UGT1A10: variants seen among roughly 807,000 people sequenced by gnomAD.
UGT1A10 encodes UDP glucuronosyltransferase family 1 member A10, also known as UDP-glucuronosyltransferase 1A10.
A neutral mutation model predicts 45.8 loss-of-function variants in UGT1A10; 49 were observed. The observed-to-expected ratio is 1.07, with a 90% confidence interval of 0.85 to 1.36. The LOEUF (loss-of-function observed/expected upper bound fraction) is 1.36, where lower values mean the gene tolerates loss of function less well. UGT1A10 is among the 40% of genes most tolerant of loss of function. The pLI, the probability that UGT1A10 is intolerant of heterozygous loss-of-function variation, is 0.00. For synonymous variants in UGT1A10, 284 were observed against 249.7 expected (o/e 1.14, Z -1.29); for missense variants, 745 against 668.6 (o/e 1.11, Z -1.26).
At chr2:233,720,737 G>A (rs1402303437) in intron 1 of UGT1A10, among the ~76,000 whole-genome samples, 14 of 144,628 alleles carry the variant, frequency 9.7e-5, no homozygotes, top group African/African-American at 2.3e-4. Flanking sequence ...ACTGAGCCTC[G>A]TTCTGTCGCC....
chr2:233,707,867 C>T (rs1275406716), intron 1 of UGT1A10, among the ~76,000 whole-genome samples: 2 of 152,118 alleles, frequency 1.3e-5, no homozygotes, highest in African/African-American at 4.8e-5. Flanking sequence ...TTGTACATAT[C>T]CCTGATTGCT....
chr2:233,681,999 G>C, intron 1 of UGT1A10: 1 of 1,614,168 alleles, frequency 6.2e-7, no homozygotes, highest in Non-Finnish European at 8.5e-7. Context: ...CTGACCTGTG[G>C]CTTTGCCAAG....
chr2:233,686,534 C>A (rs1418608941), intron 1 of UGT1A10, among the ~76,000 whole-genome samples: 1 of 152,098 alleles, frequency 6.6e-6, no homozygotes, highest in Non-Finnish European at 1.5e-5. Context: ...TAGAACCTAA[C>A]CTTTCCGTGG....
At chr2:233,719,353 G>A in intron 1 of UGT1A10, 3 of 1,613,930 alleles carry the variant, frequency 1.9e-6, no homozygotes, top group Non-Finnish European at 2.5e-6. Flanking sequence ...TACATTCCAT[G>A]TGACTTAGAC....
intron 1 of UGT1A10, among the ~76,000 whole-genome samples, chr2:233,694,315 T>C (rs74562873): frequency 6.6e-6 from 1 of 151,936 alleles, no homozygotes; most frequent in Non-Finnish European, 1.5e-5. Flanking sequence ...TTTTTTTTTT[T>C]CCTTTTATGT....
At chr2:233,685,552 CA>C (rs1192144986) in intron 1 of UGT1A10, among the ~76,000 whole-genome samples, 2 of 152,170 alleles carry the variant, frequency 1.3e-5, no homozygotes, top group African/African-American at 2.4e-5. Flanking sequence ...GTTTTTGATC[CA>C]AATTCAAATT....
intron 1 of UGT1A10, among the ~76,000 whole-genome samples, chr2:233,732,141 T>G (rs532123817): frequency 9.3e-4 from 141 of 151,992 alleles, no homozygotes; most frequent in African/African-American, 3.3e-3. Flanking sequence ...TGTTTGTTTG[T>G]TTTTTTTCTT....
intron 1 of UGT1A10, among the ~76,000 whole-genome samples, chr2:233,641,948 C>A (rs1449229974): frequency 1.3e-5 from 2 of 152,048 alleles, no homozygotes; most frequent in Non-Finnish European, 2.9e-5. Context: ...TTATCCTTGA[C>A]CTTTGGGAGT....
chr2:233,671,144 C>T (rs2074179864), intron 1 of UGT1A10, among the ~76,000 whole-genome samples: 2 of 152,170 alleles, frequency 1.3e-5, no homozygotes, highest in Admixed American at 1.3e-4. Context: ...TACATATTTT[C>T]CTGAAGGAGG....
At chr2:233,755,100 G>C (rs920872791) in intron 1 of UGT1A10, 1 of 1,335,078 alleles carries the variant, frequency 7.5e-7, no homozygotes, top group Non-Finnish European at 1.0e-6. Flanking sequence ...CTACGCGTCC[G>C]ACAACACCTC....
chr2:233,637,145 G>A lies in UGT1A10; in HGVS notation c.623G>A (p.Trp208Ter), dbSNP rs1271248579. 1 of 1,613,932 alleles carries A rather than the reference G, an allele frequency of 6.2e-7. No homozygotes were observed. Among genetic ancestry groups the A allele is most frequent in the Non-Finnish European group, 8.5e-7 (1 of 1,179,858 alleles). ...SDAMTFKERV[W>*]NHIVHLEDHL... is the part of the protein sequence containing the mutation. Reference sequence around the variant, plus strand: ...GCCATGACTTTCAAGGAGAGAGTATGGAACCACATCGTGCACTTGGAGGAC... The same window carrying A: ...GCCATGACTTTCAAGGAGAGAGTATAGAACCACATCGTGCACTTGGAGGAC... Residue 208 changes from tryptophan to a stop codon, truncating the protein, a stop_gained, in exon 1 of 5, where the codon TGG (tryptophan) becomes TAG (stop). Coordinates refer to ENST00000344644, the MANE Select transcript of UGT1A10 (RefSeq NM_019075.4). LOFTEE classifies it high-confidence loss of function.
chr2:233,721,049 T>C (rs1041518517), intron 1 of UGT1A10, among the ~76,000 whole-genome samples: 1 of 152,122 alleles, frequency 6.6e-6, no homozygotes, highest in Non-Finnish European at 1.5e-5. Context: ...GAGCCCTTTT[T>C]TGTCATATTC....
intron 1 of UGT1A10, among the ~76,000 whole-genome samples, chr2:233,702,296 T>C (rs540629836): frequency 2.0e-5 from 3 of 152,348 alleles, no homozygotes; most frequent in African/African-American, 7.2e-5. Flanking sequence ...TAAAGAGTTT[T>C]GTATATTGAT....
At chr2:233,671,960 C>G (rs756104570) in intron 1 of UGT1A10, 1 of 1,613,500 alleles carries the variant, frequency 6.2e-7, no homozygotes, top group Non-Finnish European at 8.5e-7. Flanking sequence ...TGGACCAGCC[C>G]CCTTCCTCTA....
chr2:233,643,736 G>T (rs1390324880), intron 1 of UGT1A10, among the ~76,000 whole-genome samples: 1 of 152,148 alleles, frequency 6.6e-6, no homozygotes, highest in Non-Finnish European at 1.5e-5. Flanking sequence ...TGGTATTCAG[G>T]TTCCAAGGTC....
chr2:233,678,440 G>A (rs2074417230), intron 1 of UGT1A10, among the ~76,000 whole-genome samples: 1 of 152,206 alleles, frequency 6.6e-6, no homozygotes, highest in Admixed American at 6.5e-5. Context: ...AGGCAGAAGA[G>A]GTAGAGGAGG....
chr2:233,677,918 C>T (rs1381136522), intron 1 of UGT1A10, among the ~76,000 whole-genome samples: 2 of 152,028 alleles, frequency 1.3e-5, no homozygotes, highest in African/African-American at 2.4e-5. Flanking sequence ...TGAAATCAAC[C>T]TAGGTGCCCG....
chr2:233,673,893 C>T lies in UGT1A10; in HGVS notation c.855+36516C>T, dbSNP rs537937244. Among the ~76,000 whole-genome samples the T allele has an allele frequency of 2.4e-4, 37 of 152,286 alleles. No homozygotes were observed. The South Asian group carries it at 7.7e-3, about 32-fold the overall frequency. On this transcript the variant is annotated intron_variant, in intron 1 of 4. Transcript: ENST00000344644. ...ATTCCCTTCTCTGATATTTATACCA[C>T]TTATTTTGCTTTGCTGGAGCTTATA...
At chr2:233,746,950 G>T (rs1693515132) in intron 1 of UGT1A10, among the ~76,000 whole-genome samples, 1 of 151,804 alleles carries the variant, frequency 6.6e-6, no homozygotes. Context: ...AGAAACAAGA[G>T]CTTGAACTTG....
Sources: allele counts gnomAD v4.1 joint callset (sites outside exome capture counted in the v4.1 genomes callset), GRCh38; gene constraint gnomAD v4.1.1; transcripts MANE v1.5; gene names NCBI Gene and HGNC (gene_info 2026-07-23, HGNC 2026-07-21).